Variants in RIMBP2 observed in about 807,000 individuals in gnomAD.
RIMBP2 encodes the protein RIMS-binding protein 2.
In RIMBP2, 48 loss-of-function variants were observed where a neutral mutation model predicts 118.6. The ratio of observed to expected loss-of-function variants is 0.40; its 90% CI spans 0.32 to 0.51. The LOEUF (loss-of-function observed/expected upper bound fraction) is 0.51. Among genes scored for constraint, RIMBP2 ranks in the 20% least tolerant of loss-of-function variants. The probability of loss-of-function intolerance (pLI) is 0.41; values close to 1 mark genes in which losing one functional copy is unlikely to be tolerated. For synonymous variants in RIMBP2, 762 were observed against 742.9 expected (o/e 1.03, Z -0.42); for missense variants, 1,551 against 1,768.3 (o/e 0.88, Z 2.20).
rs536919226 is a variant in RIMBP2 at position 130,566,012 on chromosome 12, C to T, written c.-216-48095G>A. Among the ~76,000 whole-genome samples the T allele has an allele frequency of 5.3e-5, 8 of 152,164 alleles. No individual in the cohort carries two copies. In the East Asian group the frequency reaches 7.7e-4, roughly 15 times the overall value. On this transcript the variant is annotated intron_variant, in intron 2 of 22. Transcript: ENST00000690449. The stretch of plus-strand genomic sequence containing the variant: ...AGGCTTGTCAAGTATCAGTTCCTAA[C>T]GAGAACTATGCGATGGAACTTGTCA...
At position 130,525,180 on chromosome 12, in the gene RIMBP2, T is replaced by A. The variant is rs2052639612; in HGVS notation, c.-216-7263A>T. ...ATGGGCATGAGCCGTTCCTGTAGAG[T>A]GCAGGGCAGAAGCAATGGGAAGCCA... On this transcript the variant is annotated intron_variant, in intron 2 of 22. Coordinates refer to ENST00000690449, the MANE Select transcript of RIMBP2 (RefSeq NM_001393629.1). The surrounding 1 kb of genome is among the most constrained non-coding windows in gnomAD (Gnocchi z 4.4). Among the ~76,000 whole-genome samples the A allele has an allele frequency of 6.6e-6, 1 of 151,924 alleles. No homozygotes were observed. The highest frequency in any genetic ancestry group is 1.5e-5 in the Non-Finnish European group (1 of 67,996).
intron 5 of RIMBP2, among the ~76,000 whole-genome samples, chr12:130,476,353 A>G (rs932820535): frequency 3.9e-5 from 6 of 152,208 alleles, no homozygotes; most frequent in Non-Finnish European, 8.8e-5. Context: ...CCCTCTCATC[A>G]GAATCACCTT....
intron 2 of RIMBP2, among the ~76,000 whole-genome samples, chr12:130,562,858 A>T (rs1347739022): frequency 6.6e-6 from 1 of 152,238 alleles, no homozygotes; most frequent in African/African-American, 2.4e-5. Flanking sequence ...TCAGAATTCC[A>T]CTGGGCACAT....
chr12:130,612,601 C>G (rs1262285741), intron 2 of RIMBP2, among the ~76,000 whole-genome samples: 1 of 152,140 alleles, frequency 6.6e-6, no homozygotes, highest in Non-Finnish European at 1.5e-5. Context: ...ATTAAAACAC[C>G]ATTTGACAGG....
intron 1 of RIMBP2, chr12:130,658,475 T>C (rs1212433903): frequency 1.3e-5 from 2 of 151,740 alleles, no homozygotes; most frequent in Non-Finnish European, 2.9e-5. Context: ...ATTTCAACTA[T>C]GAAAAAAAAG....
intron 2 of RIMBP2, among the ~76,000 whole-genome samples, chr12:130,531,852 C>T (rs1198309648): frequency 7.3e-5 from 11 of 150,426 alleles, no homozygotes; most frequent in East Asian, 5.9e-4. Context: ...TAATGAGATG[C>T]GTATGTTTAG....
intron 2 of RIMBP2, among the ~76,000 whole-genome samples, chr12:130,534,182 AG>A (rs143500327): frequency 0.23 from 14,139 of 62,582 alleles, 941 homozygotes; most frequent in Non-Finnish European, 0.25. Context: ...AAAAAAAAAA[AG>A]AGAGAGAGAG....
At chr12:130,407,332 G>C (rs4759458) in intron 20 of RIMBP2, among the ~76,000 whole-genome samples, 135,776 of 152,272 alleles carry the variant, frequency 0.89, 61,031 homozygotes, top group East Asian at 1. Flanking sequence ...CCTATCACTG[G>C]TTTCCTCTCT....
At chr12:130,675,628 G>C (rs550238401) in intron 1 of RIMBP2, among the ~76,000 whole-genome samples, 2 of 152,110 alleles carry the variant, frequency 1.3e-5, no homozygotes, top group Non-Finnish European at 2.9e-5. Flanking sequence ...GGTTTCCCCC[G>C]AAACTGCTCT....
chr12:130,517,722 C>A, intron 3 of RIMBP2, 106 bp downstream of exon 3: 2 of 294,902 alleles, frequency 6.8e-6, no homozygotes, highest in Non-Finnish European at 1.0e-5. Flanking sequence ...GCCACCTTCA[C>A]ACTGATGTTC....
intron 1 of RIMBP2, chr12:130,658,306 G>A (rs2063511984): frequency 6.6e-6 from 1 of 152,216 alleles, no homozygotes; most frequent in Admixed American, 6.5e-5. Context: ...CTGTCTAGCA[G>A]CCACTGGTCC....
intron 20 of RIMBP2, 47 bp from the exon 21 acceptor site, chr12:130,406,290 T>C (rs1371859704): frequency 7.7e-7 from 1 of 1,294,908 alleles, no homozygotes; most frequent in Non-Finnish European, 1.1e-6. Context: ...TACACAACAG[T>C]AGTAGTTTTT....
chr12:130,398,000 G>T (rs1314827088), intron 22 of RIMBP2: 2 of 152,478 alleles, frequency 1.3e-5, no homozygotes, highest in Non-Finnish European at 2.9e-5. Context: ...TCCTGGGGTG[G>T]TTGGTATACT....
intron 2 of RIMBP2, among the ~76,000 whole-genome samples, chr12:130,616,999 C>T (rs1005416739): frequency 1.3e-5 from 2 of 152,044 alleles, no homozygotes; most frequent in East Asian, 1.9e-4. Flanking sequence ...GGTGCAGGGG[C>T]CCCCCTCCTC....
At chr12:130,551,429 T>C (rs1593763828) in intron 2 of RIMBP2, among the ~76,000 whole-genome samples, 1 of 152,230 alleles carries the variant, frequency 6.6e-6, no homozygotes, top group Admixed American at 6.5e-5. Context: ...TACACGGCCA[T>C]AGGCACTCAG....
rs2137185066 is a variant in RIMBP2, at chr12:130,442,772, C to T, written c.692-112G>A. 1.2e-6 allele frequency: 1 copy of T among 869,308 alleles called. No homozygotes were observed. The highest frequency in any genetic ancestry group is 1.7e-6 in the Non-Finnish European group (1 of 572,680). The allele number at this position is 869,308 out of a possible 1,614,324, so 53.8% of individuals were successfully genotyped here. ...ACCATAAGGCAGAGCAACAGGGTTG[C>T]CCTGGGGCTCCTCCGCTGTTCCCAG... On this transcript the variant is annotated intron_variant, in intron 10 of 22. Transcript: ENST00000690449. This position sits in a 1 kb window ranked among gnomAD's most constrained non-coding sequence, Gnocchi z 6.9.
Position 130,446,017 on chromosome 12 carries a change from GCT to G in RIMBP2, c.582-750_582-749del, listed in dbSNP as rs67194247. 0.4 allele frequency among the ~76,000 whole-genome samples: 14,959 copies of G among 37,520 alleles called. 1,501 individuals carry two copies. Among genetic ancestry groups the G allele is most frequent in the African/African-American group, 0.46 (10,784 of 23,568 alleles). 24.6% of individuals were successfully genotyped at this position (37,520 alleles called of 152,430 possible). A position where few individuals can be genotyped will look rare whatever the true frequency, so the allele number is the denominator to read the frequency against. On this transcript the variant is annotated intron_variant, in intron 9 of 22. Coordinates refer to ENST00000690449, the MANE Select transcript of RIMBP2 (RefSeq NM_001393629.1). This position sits in a 1 kb window ranked among gnomAD's most constrained non-coding sequence, Gnocchi z 4.1. ...CAGAAAAACAGACGCATGATTTTAT[GCT>G]CCCCCCCCCCACACCCCCAGGAATA...
At chr12:130,677,927 C>T (rs1055422942) in intron 1 of RIMBP2, among the ~76,000 whole-genome samples, 12 of 152,242 alleles carry the variant, frequency 7.9e-5, no homozygotes, top group Non-Finnish European at 1.3e-4. Flanking sequence ...CTGAAGGCCC[C>T]GCAGAAGGCA....
In RIMBP2 at chr12:130,615,276, C is replaced by CATATATATATATATATATATATAT. The variant is rs202186208; in HGVS notation, c.-217+13045_-217+13046insATATATATATATATATATATATAT. Among the ~76,000 whole-genome samples, 146 of 100,096 alleles carry CATATATATATATATATATATATAT rather than the reference C, an allele frequency of 1.5e-3. 1 individual carries two copies. The highest frequency in any genetic ancestry group is 5.3e-3 in the Middle Eastern group (1 of 188). 65.7% of individuals were successfully genotyped at this position (100,096 alleles called of 152,430 possible). A position where few individuals can be genotyped will look rare whatever the true frequency, so the allele number is the denominator to read the frequency against. On this transcript the variant is annotated intron_variant, in intron 2 of 22. Coordinates refer to ENST00000690449, the MANE Select transcript of RIMBP2 (RefSeq NM_001393629.1). ...TATGTATATATACATAATACACATA[C>CATATATATATATATATATATATAT]ATATATATATATATATATATGTGTA... is the stretch of plus-strand genomic sequence containing the variant.
Sources: gnomAD v4.1 joint callset for allele counts (sites outside exome capture counted in the v4.1 genomes callset) on GRCh38, gnomAD v4.1.1 for gene constraint, Gnocchi (gnomAD v3.1) non-coding constraint, MANE v1.5 for transcripts, NCBI Gene and HGNC (gene_info 2026-07-23, HGNC 2026-07-21) for gene names.